KIF26B: variants seen among roughly 807,000 people sequenced by gnomAD.
The protein encoded by KIF26B is kinesin family member 26B.
Under a neutral mutation model 151.2 loss-of-function variants are expected in KIF26B, and 63 were observed. That is an observed-to-expected ratio of 0.42 (90% CI 0.34 to 0.51). The LOEUF (loss-of-function observed/expected upper bound fraction) is 0.51. KIF26B is among the 20% of genes least tolerant of loss of function. KIF26B has a pLI of 0.07. For synonymous variants in KIF26B, 1,357 were observed against 1,262.1 expected, an observed-to-expected ratio of 1.08 and a Z score of -1.59; for missense variants, 2,813 against 2,913.6, an observed-to-expected ratio of 0.97 and a Z score of 0.79.
chr1:245,359,297 G>C (rs557103162), intron 2 of KIF26B, among the ~76,000 whole-genome samples: 1 of 152,292 alleles, frequency 6.6e-6, no homozygotes, highest in South Asian at 2.1e-4. Context: ...AGGGTTGCAA[G>C]AGTGAGCCAC....
At chr1:245,276,941 GGTGGAAC>G (rs1428269766) in intron 2 of KIF26B, among the ~76,000 whole-genome samples, 4 of 152,102 alleles carry the variant, frequency 2.6e-5, no homozygotes, top group Non-Finnish European at 5.9e-5. Context: ...CTTAGATTAG[GGTGGAAC>G]CTGATTTCAA....
chr1:245,659,525 G>C (rs1465660913), intron 10 of KIF26B, among the ~76,000 whole-genome samples: 2 of 152,154 alleles, frequency 1.3e-5, no homozygotes, highest in Non-Finnish European at 2.9e-5. Context: ...CCTATTTTCT[G>C]AGCCAGATAA....
In KIF26B at chr1:245,551,078, C is replaced by T. The variant is rs549488567; in HGVS notation, c.1350+10128C>T. On this transcript the variant is annotated intron_variant, in intron 5 of 14. Transcript: ENST00000407071. ...ATATATAATTTTAGACAGCGTCTTC[C>T]TTCGTCAGCCAGGCTGGAGTGCAGT... is the stretch of plus-strand genomic sequence containing the variant. 1.1e-4 allele frequency among the ~76,000 whole-genome samples: 17 copies of T among 152,298 alleles called. 1 individual carries two copies. In the South Asian group the frequency reaches 3.5e-3, roughly 32 times the overall value.
chr1:245,332,737 C>T (rs1206856293), intron 2 of KIF26B, among the ~76,000 whole-genome samples: 2 of 152,162 alleles, frequency 1.3e-5, no homozygotes, highest in Non-Finnish European at 2.9e-5. Flanking sequence ...TTGCTGGCGC[C>T]CAGCACTATG....
In KIF26B at chr1:245,417,854, A is replaced by C. The variant is rs373047599; in HGVS notation, c.1000-1725A>C. Among the ~76,000 whole-genome samples, 2 of 151,900 alleles carry C rather than the reference A, an allele frequency of 1.3e-5. 1 individual carries two copies. Among genetic ancestry groups the C allele is most frequent in the East Asian group, 3.9e-4 (2 of 5,190 alleles). On this transcript the variant is annotated intron_variant, in intron 3 of 14. Transcript: ENST00000407071. Reference sequence around the variant, plus strand: ...AGGGCACCTGCAGGACAGTTTGTGCATAAGGAATCCCTTCCCTCCAAATTT... The same window carrying C: ...AGGGCACCTGCAGGACAGTTTGTGCCTAAGGAATCCCTTCCCTCCAAATTT...
intron 4 of KIF26B, among the ~76,000 whole-genome samples, chr1:245,453,999 T>C (rs1374305930): frequency 6.6e-6 from 1 of 151,778 alleles, no homozygotes; most frequent in Non-Finnish European, 1.5e-5. Flanking sequence ...GAAGGGCGGG[T>C]TTCAATAACC....
chr1:245,652,145 T>TGTGTGTGGGGGA (rs368258830), intron 10 of KIF26B, among the ~76,000 whole-genome samples: 1 of 142,658 alleles, frequency 7.0e-6, no homozygotes, highest in African/African-American at 2.8e-5. Flanking sequence ...TGTGTGTGTG[T>TGTGTGTGGGGGA]GAGAGAGACA....
intron 2 of KIF26B, among the ~76,000 whole-genome samples, chr1:245,174,102 C>CA (rs952363804): frequency 6.6e-6 from 1 of 152,032 alleles, no homozygotes; most frequent in Admixed American, 6.6e-5. Flanking sequence ...CAGTAAACTC[C>CA]AAAAAAATGA....
intron 2 of KIF26B, among the ~76,000 whole-genome samples, chr1:245,265,571 G>A (rs6690441): frequency 0.01 from 1,527 of 151,544 alleles, 30 homozygotes; most frequent in African/African-American, 0.035. Context: ...ATTTTCATGA[G>A]TGGTGTAGAG....
intron 4 of KIF26B, among the ~76,000 whole-genome samples, chr1:245,440,025 T>A (rs955722626): frequency 2.6e-5 from 4 of 151,988 alleles, no homozygotes; most frequent in Admixed American, 2.6e-4. Context: ...ATCGAGACCA[T>A]CCTGGCTAAC....
chr1:245,371,238 G>A (rs1417522150), intron 3 of KIF26B, among the ~76,000 whole-genome samples: 5 of 152,116 alleles, frequency 3.3e-5, no homozygotes, highest in Admixed American at 6.6e-5. Context: ...TGACTGTGTC[G>A]TCCTGATGCC....
chr1:245,623,805 T>C (rs1386229516), intron 9 of KIF26B, among the ~76,000 whole-genome samples: 1 of 152,254 alleles, frequency 6.6e-6, no homozygotes, highest in African/African-American at 2.4e-5. Context: ...ATTAGATATA[T>C]GCAAATACTC....
intron 4 of KIF26B, among the ~76,000 whole-genome samples, chr1:245,509,428 G>A (rs1298699670): frequency 6.6e-6 from 1 of 152,190 alleles, no homozygotes; most frequent in Non-Finnish European, 1.5e-5. Flanking sequence ...CACGTGTAGT[G>A]ATTCTTCTCC....
intron 9 of KIF26B, among the ~76,000 whole-genome samples, chr1:245,635,610 T>C (rs1387158713): frequency 1.3e-5 from 2 of 151,282 alleles, no homozygotes; most frequent in Non-Finnish European, 2.9e-5. Context: ...GTTTTCTGTT[T>C]CGTTGATTTC....
chr1:245,684,530 C>A, intron 11 of KIF26B, 135 bp downstream of exon 11: 1 of 961,016 alleles, frequency 1.0e-6, no homozygotes, highest in Non-Finnish European at 1.5e-6. Flanking sequence ...GCTGACAACA[C>A]GTGGCTCAGG....
intron 3 of KIF26B, among the ~76,000 whole-genome samples, chr1:245,384,255 G>T (rs1004244299): frequency 6.6e-6 from 1 of 152,056 alleles, no homozygotes; most frequent in Non-Finnish European, 1.5e-5. Flanking sequence ...CCACTTTGGG[G>T]GCCATCTGTG....
At chr1:245,246,890 CACAG>C (rs752883466) in intron 2 of KIF26B, among the ~76,000 whole-genome samples, 3 of 142,618 alleles carry the variant, frequency 2.1e-5, no homozygotes, top group South Asian at 2.3e-4. Flanking sequence ...CACACACACA[CACAG>C]ACACACACAC....
At chr1:245,355,417 G>A (rs1320068471) in intron 2 of KIF26B, among the ~76,000 whole-genome samples, 3 of 151,874 alleles carry the variant, frequency 2.0e-5, no homozygotes, top group South Asian at 2.1e-4. Context: ...GCAACATGGC[G>A]AAACTCCATC....
chr1:245,471,224 A>C (rs1247942685), intron 4 of KIF26B, among the ~76,000 whole-genome samples: 1 of 151,566 alleles, frequency 6.6e-6, no homozygotes, highest in Non-Finnish European at 1.5e-5. Context: ...TCCACCTCCC[A>C]GGTTCGTGCA....
Sources: allele counts gnomAD v4.1 joint callset (sites outside exome capture counted in the v4.1 genomes callset), GRCh38; gene constraint gnomAD v4.1.1; transcripts MANE v1.5; gene names NCBI Gene and HGNC (gene_info 2026-07-23, HGNC 2026-07-21).